Variants in GADL1 observed in about 807,000 individuals in gnomAD.
GADL1 encodes the protein GAD like acidic amino acid decarboxylase 1, also known as acidic amino acid decarboxylase GADL1.
In GADL1, 71 loss-of-function variants were observed where a neutral mutation model predicts 69.5. The ratio of observed to expected loss-of-function variants is 1.02; its 90% CI spans 0.84 to 1.25. GADL1 has a LOEUF of 1.25. Ranked by LOEUF, GADL1 falls within the 50% of genes most tolerant of loss-of-function variation. The pLI, the probability that GADL1 is intolerant of heterozygous loss-of-function variation, is 0.00. For missense variants in GADL1, 737 were observed against 631.8 expected (o/e 1.17, Z -1.79); for synonymous variants, 254 against 214.4 (o/e 1.18, Z -1.62).
intron 1 of GADL1, among the ~76,000 whole-genome samples, chr3:30,893,124 G>C (rs1698806737): frequency 6.6e-6 from 1 of 152,202 alleles, no homozygotes; most frequent in African/African-American, 2.4e-5. Context: ...CCAAAGTGCT[G>C]GGATTATAGG....
rs549940462 is a variant in GADL1, at chr3:30,816,889, G to A, written c.1051-15801C>T. Among the ~76,000 whole-genome samples the A allele has an allele frequency of 1.2e-4, 18 of 152,042 alleles. No homozygotes were observed. The South Asian group carries it at 3.3e-3, about 28-fold the overall frequency. On this transcript the variant is annotated intron_variant, in intron 11 of 14. Transcript: ENST00000282538. The stretch of plus-strand genomic sequence containing the variant: ...AGTTCAGTGTTTGTCAGAAATCAGG[G>A]GATAACTGTATTGTATAGCATCTTA...
chr3:30,752,606 C>T (rs1000287886), intron 14 of GADL1, among the ~76,000 whole-genome samples: 6 of 152,190 alleles, frequency 3.9e-5, no homozygotes, highest in Non-Finnish European at 7.3e-5. Context: ...TGTCCTTTCT[C>T]TTAACCTGTT....
intron 14 of GADL1, among the ~76,000 whole-genome samples, chr3:30,755,843 G>A (rs894536719): frequency 1.3e-5 from 2 of 151,370 alleles, no homozygotes; most frequent in Non-Finnish European, 2.9e-5. Context: ...CTACCAAGAG[G>A]TCATCATTTG....
intron 14 of GADL1, 123 bp downstream of exon 14, chr3:30,778,056 A>AACTAGAAGACACTTCCC (rs1281663807): frequency 1.6e-6 from 1 of 612,616 alleles, no homozygotes; most frequent in African/African-American, 1.8e-5. Flanking sequence ...CTTTTTAACA[A>AACTAGAAGACACTTCCC]ACTAGAAGAC....
intron 12 of GADL1, among the ~76,000 whole-genome samples, chr3:30,793,775 C>A (rs578179261): frequency 7.9e-6 from 1 of 126,568 alleles, no homozygotes; most frequent in South Asian, 2.9e-4. Context: ...CTGCAAATAG[C>A]CTCTCCAGTC....
chr3:30,728,500 A>T (rs1350583161), intron 14 of GADL1, 85 bp from the exon 15 acceptor site: 16 of 1,054,574 alleles, frequency 1.5e-5, no homozygotes, highest in Non-Finnish European at 2.3e-5. Flanking sequence ...TTGGACATTT[A>T]CTGGGCATCC....
intron 14 of GADL1, among the ~76,000 whole-genome samples, chr3:30,743,028 C>G (rs1016579697): frequency 6.6e-6 from 1 of 151,832 alleles, no homozygotes; most frequent in Non-Finnish European, 1.5e-5. Context: ...GCTGACTAAT[C>G]CATCTCCTCA....
chr3:30,758,322 T>C lies in GADL1; in HGVS notation c.1392+19857A>G, dbSNP rs558956063. Among the ~76,000 whole-genome samples the C allele has an allele frequency of 7.2e-5, 11 of 152,354 alleles. No homozygotes were observed. The East Asian group carries it at 1.7e-3, about 24-fold the overall frequency. On this transcript the variant is annotated intron_variant, in intron 14 of 14. Coordinates refer to ENST00000282538, the MANE Select transcript of GADL1 (RefSeq NM_207359.3). ...TCTGAAAGAGCCCCTCCTTAGCTGA[T>C]GAGTTTTCTCTGGGCTATTCTTTGC...
At chr3:30,759,696 G>A (rs559819829) in intron 14 of GADL1, among the ~76,000 whole-genome samples, 3 of 152,256 alleles carry the variant, frequency 2.0e-5, no homozygotes, top group African/African-American at 7.2e-5. Context: ...TCAGAAATAC[G>A]CATATGTATC....
intron 6 of GADL1, among the ~76,000 whole-genome samples, chr3:30,846,634 T>A (rs1256097981): frequency 2.6e-5 from 4 of 152,140 alleles, no homozygotes; most frequent in African/African-American, 4.8e-5. Context: ...GGTACATAAA[T>A]GTTACATTTT....
chr3:30,847,805 A>T (rs936661945), intron 6 of GADL1, among the ~76,000 whole-genome samples: 1 of 152,174 alleles, frequency 6.6e-6, no homozygotes, highest in Non-Finnish European at 1.5e-5. Flanking sequence ...CCACTTAGTT[A>T]TGGTTTCACA....
intron 1 of GADL1, among the ~76,000 whole-genome samples, chr3:30,876,019 T>C (rs1245809176): frequency 2.0e-5 from 3 of 152,022 alleles, no homozygotes; most frequent in Non-Finnish European, 4.4e-5. Context: ...GACTTTTCTC[T>C]GATTTCCAAT....
intron 11 of GADL1, among the ~76,000 whole-genome samples, chr3:30,807,224 G>A (rs1697271590): frequency 6.6e-6 from 1 of 152,072 alleles, no homozygotes; most frequent in African/African-American, 2.4e-5. Flanking sequence ...AGCTGTCACT[G>A]CCTGTTCTTC....
At chr3:30,749,092 A>T (rs1160999651) in intron 14 of GADL1, among the ~76,000 whole-genome samples, 1 of 152,192 alleles carries the variant, frequency 6.6e-6, no homozygotes, top group Non-Finnish European at 1.5e-5. Context: ...AGGAAACCTC[A>T]CTGCACTGTT....
At chr3:30,817,366 C>T (rs1201840351) in intron 11 of GADL1, among the ~76,000 whole-genome samples, 1 of 152,100 alleles carries the variant, frequency 6.6e-6, no homozygotes, top group Non-Finnish European at 1.5e-5. Context: ...TGAAATTAAC[C>T]TTGCCACCAA....
rs193172061 is a variant in GADL1 at position 30,800,590 on chromosome 3, C to T, written c.1250+299G>A. 29 of 390,554 alleles carry T rather than the reference C, an allele frequency of 7.4e-5. No homozygotes were observed. The East Asian group carries it at 1.5e-3, about 20-fold the overall frequency. 24.2% of individuals were successfully genotyped at this position (390,554 alleles called of 1,614,324 possible). On this transcript the variant is annotated intron_variant, in intron 12 of 14. Coordinates refer to ENST00000282538, the MANE Select transcript of GADL1 (RefSeq NM_207359.3). ...AAGCCCTCCTGATTGATCTTGGACT[C>T]TATACCTCACCTTGCCAAAAATGAG...
intron 14 of GADL1, among the ~76,000 whole-genome samples, chr3:30,735,210 TTAACCTTC>T (rs61288021): frequency 0.092 from 13,972 of 152,108 alleles, 1,751 homozygotes; most frequent in African/African-American, 0.29. Flanking sequence ...ACTATACAAT[TTAACCTTC>T]TACGGCAATT....
intron 1 of GADL1, among the ~76,000 whole-genome samples, chr3:30,879,239 G>A (rs1176730895): frequency 6.6e-6 from 1 of 151,902 alleles, no homozygotes; most frequent in Non-Finnish European, 1.5e-5. Flanking sequence ...TCTCACTTTA[G>A]CTTTTGGTGA....
intron 14 of GADL1, among the ~76,000 whole-genome samples, chr3:30,756,714 G>T (rs1014421099): frequency 6.6e-6 from 1 of 152,176 alleles, no homozygotes; most frequent in African/African-American, 2.4e-5. Context: ...GGAGAGTTTA[G>T]TTGTCCCAGA....
Sources: allele counts gnomAD v4.1 joint callset (sites outside exome capture counted in the v4.1 genomes callset), GRCh38; gene constraint gnomAD v4.1.1; transcripts MANE v1.5; gene names NCBI Gene and HGNC (gene_info 2026-07-23, HGNC 2026-07-21).